Variants in HEPACAM2 observed in about 807,000 individuals in gnomAD.
HEPACAM2 encodes the protein HEPACAM family member 2.
A neutral mutation model predicts 49.6 loss-of-function variants in HEPACAM2; 49 were observed. That is an observed-to-expected ratio of 0.99 (90% CI 0.78 to 1.25). The LOEUF is 1.25. Ranked by LOEUF, HEPACAM2 falls within the 50% of genes most tolerant of loss-of-function variation. HEPACAM2 has a pLI of 0.00. For synonymous variants in HEPACAM2, 197 were observed against 202.9 expected (o/e 0.97, Z 0.25); for missense variants, 525 against 557.2 (o/e 0.94, Z 0.58).
intron 4 of HEPACAM2, among the ~76,000 whole-genome samples, chr7:93,202,642 A>G (rs1405373350): frequency 2.0e-5 from 3 of 152,088 alleles, no homozygotes; most frequent in African/African-American, 7.3e-5. Flanking sequence ...AATTTATTCT[A>G]TTCAAGTTTT....
chr7:93,191,163 A>G (rs2116620273), intron 9 of HEPACAM2, among the ~76,000 whole-genome samples: 1 of 152,094 alleles, frequency 6.6e-6, no homozygotes, highest in East Asian at 1.9e-4. Flanking sequence ...TCATGTAATA[A>G]TATCCTACTC....
intron 2 of HEPACAM2, among the ~76,000 whole-genome samples, 196 bp downstream of exon 2, chr7:93,218,905 C>A (rs1794379390): frequency 1.3e-5 from 2 of 152,130 alleles, no homozygotes; most frequent in Admixed American, 1.3e-4. Flanking sequence ...CTCTTATGTG[C>A]ATGTCTTATT....
At chr7:93,209,086 G>A (rs1283654209) in intron 3 of HEPACAM2, among the ~76,000 whole-genome samples, 3 of 151,938 alleles carry the variant, frequency 2.0e-5, no homozygotes, top group Non-Finnish European at 4.4e-5. Context: ...TTTGAGATTT[G>A]ATTTGAAATA....
At chr7:93,212,050 A>G (rs1381422708) in intron 3 of HEPACAM2, among the ~76,000 whole-genome samples, 1 of 151,934 alleles carries the variant, frequency 6.6e-6, no homozygotes, top group Non-Finnish European at 1.5e-5. Context: ...TTGCCTTAGG[A>G]CCCTGCAGCA....
chr7:93,195,014 T>C (rs1793654127), intron 8 of HEPACAM2, among the ~76,000 whole-genome samples: 2 of 147,996 alleles, frequency 1.4e-5, no homozygotes, highest in African/African-American at 5.0e-5. Context: ...AATAAAGATG[T>C]ATACTTGCAT....
chr7:93,219,068 ACTG>A, intron 2 of HEPACAM2, 30 bp downstream of exon 2: 1 of 1,586,504 alleles, frequency 6.3e-7, no homozygotes, highest in Non-Finnish European at 8.6e-7. Flanking sequence ...ACCATGCTAG[ACTG>A]CTGCCCTCGT....
intron 2 of HEPACAM2, among the ~76,000 whole-genome samples, chr7:93,218,791 A>G (rs1034099893): frequency 6.6e-6 from 1 of 151,984 alleles, no homozygotes; most frequent in Non-Finnish European, 1.5e-5. Flanking sequence ...AGAAAATAAG[A>G]TTTTCTCCAT....
intron 9 of HEPACAM2, 119 bp from the exon 10 acceptor site, chr7:93,189,389 G>T: frequency 1.8e-6 from 1 of 567,222 alleles, no homozygotes. Flanking sequence ...AATGTTTGGA[G>T]CTAGCTCAAG....
intron 1 of HEPACAM2, among the ~76,000 whole-genome samples, chr7:93,219,832 T>A (rs150937231): frequency 6.6e-6 from 1 of 152,236 alleles, no homozygotes; most frequent in Non-Finnish European, 1.5e-5. Context: ...AATCTAACTA[T>A]GTGATTTGAG....
intron 2 of HEPACAM2, among the ~76,000 whole-genome samples, chr7:93,218,001 C>T (rs964283259): frequency 2.0e-5 from 3 of 151,056 alleles, no homozygotes; most frequent in Admixed American, 6.6e-5. Context: ...CTAAAGGAAA[C>T]GAGGGGAGCA....
rs752593668 is a variant in HEPACAM2 at position 93,219,437 on chromosome 7, G to A, written c.94C>T (p.Leu32=). Residue 32 remains leucine (L), a synonymous_variant, in exon 2 of 10, where the codon CTG becomes TTG. Coordinates refer to ENST00000394468, the MANE Select transcript of HEPACAM2 (RefSeq NM_001039372.4). ...GTGTGTGATGGCACTGTCACCTTCA[G>A]CCCCGAGCAAGCACCTGTTGCAAAG... is the stretch of plus-strand genomic sequence containing the variant. The part of the protein sequence containing the change: ...YLLLFGACSG[L]KVTVPSHTVH... The A allele has an allele frequency of 1.2e-6, 2 of 1,613,910 alleles. No individual in the cohort carries two copies. The highest frequency in any genetic ancestry group is 1.3e-5 in the African/African-American group (1 of 75,006).
intron 8 of HEPACAM2, 70 bp from the exon 9 acceptor site, chr7:93,192,433 A>T: frequency 8.8e-7 from 1 of 1,132,714 alleles, no homozygotes; most frequent in South Asian, 1.3e-5. Context: ...TATGTTGCAT[A>T]GTTGAAAACA....
At chr7:93,205,054 T>G (rs752219195) in intron 4 of HEPACAM2, among the ~76,000 whole-genome samples, 5 of 151,428 alleles carry the variant, frequency 3.3e-5, no homozygotes, top group African/African-American at 7.3e-5. Flanking sequence ...GAGCCGAGAT[T>G]GTGCCACTGC....
chr7:93,226,084 AAAG>A lies in HEPACAM2; in HGVS notation c.79+281_79+283del, dbSNP rs1406885489. ...CTATTGAACCTATATGTAAACTCTA[AAAG>A]AAGAAATTCATTATCTTTTAAAAAT... is the stretch of plus-strand genomic sequence containing the variant. On this transcript the variant is annotated intron_variant, in intron 1 of 9. Transcript: ENST00000394468. 3 of 536,494 alleles carry A rather than the reference AAAG, an allele frequency of 5.6e-6. No individual in the cohort carries two copies. In the African/African-American group the frequency reaches 5.7e-5, roughly 10 times the overall value. The allele number at this position is 536,494 out of a possible 1,614,324, so 33.2% of individuals were successfully genotyped here. A position where few individuals can be genotyped will look rare whatever the true frequency, so the allele number is the denominator to read the frequency against.
At chr7:93,226,764 G>A (rs904441341), upstream of HEPACAM2, among the ~76,000 whole-genome samples, 5 of 152,028 alleles carry the variant, frequency 3.3e-5, no homozygotes, top group Non-Finnish European at 5.9e-5. Context: ...AAAATGGCAT[G>A]TTTTCATAAT....
chr7:93,194,880 TTC>T (rs756238707), intron 8 of HEPACAM2, among the ~76,000 whole-genome samples: 17 of 151,846 alleles, frequency 1.1e-4, no homozygotes, highest in Non-Finnish European at 2.4e-4. Flanking sequence ...CACAGAAACA[TTC>T]TGCATGTCTG....
chr7:93,200,211 AT>A (rs1001002593), intron 4 of HEPACAM2, among the ~76,000 whole-genome samples: 1 of 151,584 alleles, frequency 6.6e-6, no homozygotes, highest in South Asian at 2.1e-4. Context: ...CCACTTTGTG[AT>A]TTTTTTCGGT....
chr7:93,193,737 C>A (rs1041127188), intron 8 of HEPACAM2, among the ~76,000 whole-genome samples: 4 of 152,100 alleles, frequency 2.6e-5, no homozygotes, highest in African/African-American at 7.2e-5. Context: ...TGGCACCTAG[C>A]TTATTTTGAT....
chr7:93,231,091 G>C (rs913148527), upstream of HEPACAM2, among the ~76,000 whole-genome samples: 1 of 152,046 alleles, frequency 6.6e-6, no homozygotes, highest in African/African-American at 2.4e-5. Context: ...TTCAGAATCA[G>C]AAATAACCTC....
Sources: gnomAD v4.1 joint callset for allele counts (sites outside exome capture counted in the v4.1 genomes callset) on GRCh38, gnomAD v4.1.1 for gene constraint, MANE v1.5 for transcripts, NCBI Gene and HGNC (gene_info 2026-07-23, HGNC 2026-07-21) for gene names.